The following CAPN2 variants were observed in gnomAD, a reference collection of about 807,000 sequenced individuals.
CAPN2 encodes the protein calpain 2.
Under a neutral mutation model 102.3 loss-of-function variants are expected in CAPN2, and 92 were observed. The observed-to-expected ratio is 0.90, with a 90% CI of 0.76 to 1.07. The LOEUF is 1.07. Ranked by LOEUF, CAPN2 falls within the 50% of genes least tolerant of loss-of-function variation. The pLI, the probability that CAPN2 is intolerant of heterozygous loss-of-function variation, is 0.00. For synonymous variants in CAPN2, 340 were observed against 355.4 expected (o/e 0.96, Z 0.49); for missense variants, 800 against 909.4 (o/e 0.88, Z 1.55).
chr1:223,707,113 A>G (rs984137695), intron 1 of CAPN2, among the ~76,000 whole-genome samples: 15 of 151,750 alleles, frequency 9.9e-5, no homozygotes, highest in African/African-American at 2.9e-4. Context: ...GAACCTGCAG[A>G]TTGTGCCTCT....
At chr1:223,723,262 C>T (rs76106946) in intron 2 of CAPN2, among the ~76,000 whole-genome samples, 2,116 of 152,190 alleles carry the variant, frequency 0.014, 19 homozygotes, top group Middle Eastern at 0.02. Context: ...TGCTGTGAGC[C>T]GTGCACTCCA....
rs968722074 is a variant in CAPN2 at position 223,770,335 on chromosome 1, A to C, written c.1825-112A>C. 3 of 683,482 alleles carry C rather than the reference A, an allele frequency of 4.4e-6. No individual in the cohort carries two copies. The African/African-American group carries it at 5.5e-5, about 12-fold the overall frequency. 42.3% of individuals were successfully genotyped at this position (683,482 alleles called of 1,614,324 possible). On this transcript the variant is annotated intron_variant, in intron 17 of 20. Transcript: ENST00000295006. The stretch of plus-strand genomic sequence containing the variant: ...AACATAAGTGATTCTTCCACGGCCA[A>C]ACTAGAGGCACAGAGCTGGAAAAAC...
In CAPN2 at chr1:223,745,357, A is replaced by C. The variant is rs755525889; in HGVS notation, c.478A>C (p.Thr160Pro). 1 of 1,614,142 alleles carries C rather than the reference A, an allele frequency of 6.2e-7. No individual in the cohort carries two copies. The highest frequency in any genetic ancestry group is 2.2e-5 in the East Asian group (1 of 44,870). The change falls in exon 4 of 21, where the codon ACC (threonine) becomes CCC (proline). Residue 160 changes from threonine to proline, a missense_variant. Coordinates refer to ENST00000295006, the MANE Select transcript of CAPN2 (RefSeq NM_001748.5). Reference protein sequence around the residue: ...VEVVVDDRLPTKDGELLFVHS... With the variant: ...VEVVVDDRLPPKDGELLFVHS... ...GGTGGTGGTGGATGACAGGCTGCCC[A>C]CCAAGGACGGGGAGCTGCTCTTTGT...
Position 223,772,256 on chromosome 1 carries a change from C to T in CAPN2, c.2079+17C>T, listed in dbSNP as rs923466020. ...CTTATCTCTGTGAGTCAGCAGGCCC[C>T]GCCTTGCTTCTAAGGGGATGGGGGA... On this transcript the variant is annotated intron_variant, in intron 20 of 20. Coordinates refer to ENST00000295006, the MANE Select transcript of CAPN2 (RefSeq NM_001748.5). 3.0e-5 allele frequency: 49 copies of T among 1,611,034 alleles called. No individual in the cohort carries two copies. The highest frequency in any genetic ancestry group is 6.7e-5 in the Admixed American group (4 of 59,980).
At position 223,747,214 on chromosome 1, in the gene CAPN2, A is replaced by C. The variant is rs755017709; in HGVS notation, c.729+49A>C. 20 of 1,536,272 alleles carry C rather than the reference A, an allele frequency of 1.3e-5. No individual in the cohort carries two copies. In the Admixed American group the frequency reaches 2.0e-4, roughly 15 times the overall value. On this transcript the variant is annotated intron_variant, in intron 5 of 20. Coordinates refer to ENST00000295006, the MANE Select transcript of CAPN2 (RefSeq NM_001748.5). ...GCCTCACCCCATCTGCTCTTGCTGA[A>C]GGGAGGCTCCCACAGTGCCCAAGGG...
At chr1:223,760,847 G>A (rs1258950093) in intron 12 of CAPN2, among the ~76,000 whole-genome samples, 2 of 152,150 alleles carry the variant, frequency 1.3e-5, no homozygotes, top group Non-Finnish European at 2.9e-5. Flanking sequence ...TCAGCACCAA[G>A]AGGTCCCCTT....
At chr1:223,772,478 T>A (rs1411084791) in intron 20 of CAPN2, 1 of 498,288 alleles carries the variant, frequency 2.0e-6, no homozygotes, top group African/African-American at 1.9e-5. Context: ...GAGCTTTGAC[T>A]TGAGTGTAGC....
chr1:223,712,482 C>G (rs1177680256), upstream of CAPN2: 15 of 1,176,936 alleles, frequency 1.3e-5, no homozygotes, highest in Non-Finnish European at 1.6e-5. Flanking sequence ...GAGGCCACAC[C>G]CCGCGGGCCG....
intron 11 of CAPN2, chr1:223,757,996 G>A (rs1431680044): frequency 6.6e-6 from 1 of 152,242 alleles, no homozygotes; most frequent in Non-Finnish European, 1.5e-5. Flanking sequence ...CAGTAGCTGG[G>A]ACTACAGGCA....
intron 10 of CAPN2, among the ~76,000 whole-genome samples, 200 bp from the exon 11 acceptor site, chr1:223,757,169 A>T (rs1469374343): frequency 2.6e-5 from 4 of 152,108 alleles, no homozygotes; most frequent in Non-Finnish European, 5.9e-5. Flanking sequence ...TTAGGAAGGG[A>T]GGTGAGGGCT....
chr1:223,721,430 C>A (rs1303161665), intron 2 of CAPN2, among the ~76,000 whole-genome samples: 1 of 152,198 alleles, frequency 6.6e-6, no homozygotes, highest in African/African-American at 2.4e-5. Flanking sequence ...CCCACAGCCT[C>A]ACAGCTCACG....
At chr1:223,749,200 G>C in intron 6 of CAPN2, 78 bp downstream of exon 6, 1 of 1,314,628 alleles carries the variant, frequency 7.6e-7, no homozygotes, top group Non-Finnish European at 1.1e-6. Context: ...GTGATGCCCA[G>C]GGGCCCGCGC....
chr1:223,765,891 C>T lies in CAPN2; in HGVS notation c.1691-476C>T, dbSNP rs531923217. On this transcript the variant is annotated intron_variant, in intron 15 of 20. Transcript: ENST00000295006. ...AGTGGACAGGACTCACTTAGTGCAGCACAAATAGCTCGTGGATCGATCCCA... is the reference window on the plus strand; with the variant it reads ...AGTGGACAGGACTCACTTAGTGCAGTACAAATAGCTCGTGGATCGATCCCA... 2.0e-5 allele frequency among the ~76,000 whole-genome samples: 3 copies of T among 152,338 alleles called. No homozygotes were observed. In the South Asian group the frequency reaches 6.2e-4, roughly 32 times the overall value.
intron 2 of CAPN2, among the ~76,000 whole-genome samples, chr1:223,719,677 G>T (rs1383655312): frequency 6.6e-6 from 1 of 152,192 alleles, no homozygotes; most frequent in Non-Finnish European, 1.5e-5. Flanking sequence ...TGGGCCAATT[G>T]GAGAGGAGAT....
At chr1:223,720,568 C>T (rs1312418786) in intron 2 of CAPN2, among the ~76,000 whole-genome samples, 2 of 152,094 alleles carry the variant, frequency 1.3e-5, no homozygotes, top group Non-Finnish European at 2.9e-5. Context: ...CCACCCACCT[C>T]GGCCTCCCAA....
chr1:223,737,837 T>G (rs1660506324), intron 2 of CAPN2, among the ~76,000 whole-genome samples: 1 of 151,312 alleles, frequency 6.6e-6, no homozygotes, highest in African/African-American at 2.4e-5. Context: ...AAGGCATGCA[T>G]GCTTTCAAAA....
chr1:223,761,707 AC>A, intron 13 of CAPN2, 90 bp downstream of exon 13: 1 of 1,072,156 alleles, frequency 9.3e-7, no homozygotes, highest in African/African-American at 1.6e-5. Context: ...TTTGGACTTC[AC>A]GAACAAAGCC....
At chr1:223,714,302 T>TATTC (rs556561432) in intron 1 of CAPN2, among the ~76,000 whole-genome samples, 734 of 152,280 alleles carry the variant, frequency 4.8e-3, no homozygotes, top group Non-Finnish European at 7.0e-3. Flanking sequence ...CCTTTCACAG[T>TATTC]ATTCATTCAT....
At chr1:223,716,592 C>T (rs977333957) in intron 1 of CAPN2, among the ~76,000 whole-genome samples, 2 of 151,864 alleles carry the variant, frequency 1.3e-5, no homozygotes, top group Admixed American at 1.3e-4. Context: ...ATCCAAGTCT[C>T]ATATAGGCAT....
Sources: allele counts gnomAD v4.1 joint callset (sites outside exome capture counted in the v4.1 genomes callset), GRCh38; gene constraint gnomAD v4.1.1; transcripts MANE v1.5; gene names NCBI Gene and HGNC (gene_info 2026-07-23, HGNC 2026-07-21).